Variants in PAPLN observed in about 807,000 individuals in gnomAD.
The protein encoded by PAPLN is papilin.
A neutral mutation model predicts 159.0 loss-of-function variants in PAPLN; 146 were observed. The observed-to-expected ratio is 0.92, with a 90% CI of 0.80 to 1.05. The LOEUF is 1.05. PAPLN is among the 50% of genes least tolerant of loss of function. The pLI is 0.00. For missense variants in PAPLN, 1,720 were observed against 1,743.9 expected (o/e 0.99, Z 0.24); for synonymous variants, 734 against 702.9 (o/e 1.04, Z -0.70).
chr14:73,274,364 G>A lies in PAPLN; in HGVS notation c.*1700G>A, dbSNP rs1473050066. On this transcript the variant is annotated 3_prime_UTR_variant, in exon 27 of 27. Transcript: ENST00000644200. ...CTGCCTAGTAGCAAAGGTTATTCCT[G>A]GACACAGGAAAGACGGGCATTACAG... 6.6e-6 allele frequency: 1 copy of A among 152,122 alleles called. No homozygotes were observed. Among genetic ancestry groups the A allele is most frequent in the Non-Finnish European group, 1.5e-5 (1 of 68,030 alleles). 9.4% of individuals were successfully genotyped at this position (152,122 alleles called of 1,614,324 possible).
At chr14:73,258,900 TGGGCA>T (rs1886233459) in intron 14 of PAPLN, 74 bp from the exon 15 acceptor site, 30 of 1,346,792 alleles carry the variant, frequency 2.2e-5, no homozygotes, top group Admixed American at 2.9e-5. Context: ...AAGCCAGTGC[TGGGCA>T]GGGCTGGCCA....
Position 73,262,643 on chromosome 14 carries a change from G to A in PAPLN, c.2539G>A (p.Val847Met). ...CAGCCAGCACAGGACAGGGGCCGCG[G>A]TGCAGAGAAAGCCCTGGCCTTCTGG... Reference protein sequence around the residue: ...EPSQHRTGAAVQRKPWPSGGL... With the variant: ...EPSQHRTGAAMQRKPWPSGGL... The change falls in exon 19 of 27, where the codon GTG becomes ATG. Residue 847 changes from valine (V) to methionine (M), a missense_variant. Val to Met is a conservative substitution (Grantham distance 21). Transcript: ENST00000644200. The A allele has an allele frequency of 2.0e-6, 3 of 1,508,664 alleles. No homozygotes were observed. The highest frequency in any genetic ancestry group is 1.8e-6 in the Non-Finnish European group (2 of 1,124,276). 93.5% of individuals were successfully genotyped at this position (1,508,664 alleles called of 1,614,324 possible). A position where few individuals can be genotyped will look rare whatever the true frequency, so the allele number is the denominator to read the frequency against.
chr14:73,265,220 AT>A lies in PAPLN; in HGVS notation c.3126-147del. ...ACTTCACCCCAGGTAGTTATTGACCATTTCCTAACCAGAACAAGGCAGGGGA... is the reference window on the plus strand; with the variant it reads ...ACTTCACCCCAGGTAGTTATTGACCATTCCTAACCAGAACAAGGCAGGGGA... On this transcript the variant is annotated intron_variant, in intron 22 of 26. Coordinates refer to ENST00000644200, the MANE Select transcript of PAPLN (RefSeq NM_001365906.3). The surrounding 1 kb of genome is among the most constrained non-coding windows in gnomAD (Gnocchi z 4.1). The A allele has an allele frequency of 7.8e-7, 1 of 1,288,412 alleles. No homozygotes were observed. The highest frequency in any genetic ancestry group is 2.8e-4 in the Middle Eastern group (1 of 3,596). 79.8% of individuals were successfully genotyped at this position (1,288,412 alleles called of 1,614,324 possible).
rs374299676 is a variant in PAPLN, at chr14:73,265,551, C to T, written c.3263+44C>T. ...CCCTTCCTCCTATTCTGCCTCCAGC[C>T]CCACCTTATCCTATGGAGGCCACCG... On this transcript the variant is annotated intron_variant, in intron 23 of 26. Coordinates refer to ENST00000644200, the MANE Select transcript of PAPLN (RefSeq NM_001365906.3). This position sits in a 1 kb window ranked among gnomAD's most constrained non-coding sequence, Gnocchi z 4.1. 2.7e-4 allele frequency: 426 copies of T among 1,597,248 alleles called. 3 individuals carry two copies. In the South Asian group the frequency reaches 4.5e-3, roughly 17 times the overall value.
At chr14:73,244,525 A>G in intron 2 of PAPLN, 119 bp from the exon 3 acceptor site, 1 of 816,464 alleles carries the variant, frequency 1.2e-6, no homozygotes, top group East Asian at 2.7e-5. Flanking sequence ...GGGCCCTGGA[A>G]GGGAGAATCC....
chr14:73,261,204 T>C lies in PAPLN; in HGVS notation c.2155T>C (p.Cys719Arg). Residue 719 changes from cysteine (C) to arginine (R), a missense_variant, in exon 18 of 27, where the codon TGC becomes CGC. Transcript: ENST00000644200. The part of the protein sequence containing the change: ...PQAQQNEPSE[C>R]RGSQFGCCYD... ...GGCCCAGCAGAATGAGCCCAGTGAG[T>C]GCCGGGGCTCCCAGTTTGGCTGTTG... 1 of 1,613,924 alleles carries C rather than the reference T, an allele frequency of 6.2e-7. No homozygotes were observed. The highest frequency in any genetic ancestry group is 1.1e-5 in the South Asian group (1 of 91,074).
chr14:73,259,260 T>C lies in PAPLN; in HGVS notation c.1709-9T>C. ...GACGCACTGTGTGTCTTTTGCTTCT[T>C]CTTTCTAGACTCCAGAGGCCAGTGG... On this transcript the variant is annotated splice_polypyrimidine_tract_variant and intron_variant, in intron 15 of 26. Transcript: ENST00000644200. The C allele has an allele frequency of 6.5e-7, 1 of 1,540,170 alleles. No homozygotes were observed. The highest frequency in any genetic ancestry group is 8.8e-7 in the Non-Finnish European group (1 of 1,141,126).
At chr14:73,267,487 A>G (rs1887340251) in intron 25 of PAPLN, among the ~76,000 whole-genome samples, 1 of 152,206 alleles carries the variant, frequency 6.6e-6, no homozygotes, top group Non-Finnish European at 1.5e-5. Flanking sequence ...CTGTCTGTGC[A>G]CAGAGGAGTG....
chr14:73,262,280 C>A, intron 18 of PAPLN, 70 bp from the exon 19 acceptor site: 1 of 1,437,212 alleles, frequency 7.0e-7, no homozygotes, highest in Non-Finnish European at 9.5e-7. Flanking sequence ...GAGTCGGAGG[C>A]TGAGAGGATG....
chr14:73,247,984 C>CTGTGTGTG (rs60942606), intron 5 of PAPLN, among the ~76,000 whole-genome samples: 17 of 19,380 alleles, frequency 8.8e-4, no homozygotes, highest in East Asian at 1.5e-3. Flanking sequence ...CTCATATCCT[C>CTGTGTGTG]TGTGTGTGTG....
Position 73,260,845 on chromosome 14 carries a change from G to A in PAPLN, c.2106+16G>A. 1 of 1,497,556 alleles carries A rather than the reference G, an allele frequency of 6.7e-7. No homozygotes were observed. The highest frequency in any genetic ancestry group is 1.4e-5 in the South Asian group (1 of 73,304). 92.8% of individuals were successfully genotyped at this position (1,497,556 alleles called of 1,614,324 possible). On this transcript the variant is annotated intron_variant, in intron 17 of 26. Transcript: ENST00000644200. ...GGCTTCTACAGTAAGTGTCTGGCCT[G>A]GGGGAGGGGAGCAGGGGGCCAGCCC... is the stretch of plus-strand genomic sequence containing the variant.
At chr14:73,256,631 A>C (rs1488696061) in intron 14 of PAPLN, among the ~76,000 whole-genome samples, 2 of 151,124 alleles carry the variant, frequency 1.3e-5, no homozygotes, top group Non-Finnish European at 2.9e-5. Flanking sequence ...GCTGGATGCA[A>C]CTGCTCATGC....
Position 73,264,132 on chromosome 14 carries a change from C to T in PAPLN, c.2862-79C>T, listed in dbSNP as rs566383415. ...CTGTAGACTCTGGTCCCCTCTGGCA[C>T]GAGCACCGAGGCGGAGGGAAGACTC... On this transcript the variant is annotated intron_variant, in intron 20 of 26. Coordinates refer to ENST00000644200, the MANE Select transcript of PAPLN (RefSeq NM_001365906.3). 430 of 1,601,852 alleles carry T rather than the reference C, an allele frequency of 2.7e-4. No individual in the cohort carries two copies. The African/African-American group carries it at 4.1e-3, about 15-fold the overall frequency.
Position 73,254,946 on chromosome 14 carries a change from T to C in PAPLN, c.1555T>C (p.Cys519Arg). ...VICAIGPPSHCGSLQHSKPVD... is the reference protein window; with the variant it reads ...VICAIGPPSHRGSLQHSKPVD... ...CTGTGCCATTGGGCCGCCCAGCCAC[T>C]GCGGGAGCCTGCAGCACTCCAAGCC... is the stretch of plus-strand genomic sequence containing the variant. The change falls in exon 14 of 27, where the codon TGC (cysteine) becomes CGC (arginine). Residue 519 changes from cysteine to arginine, a missense_variant. Coordinates refer to ENST00000644200, the MANE Select transcript of PAPLN (RefSeq NM_001365906.3). 1.2e-6 allele frequency: 2 copies of C among 1,613,576 alleles called. No homozygotes were observed. Among genetic ancestry groups the C allele is most frequent in the East Asian group, 2.2e-5 (1 of 44,882 alleles).
At chr14:73,244,447 G>A in intron 2 of PAPLN, 197 bp from the exon 3 acceptor site, 3 of 544,518 alleles carry the variant, frequency 5.5e-6, no homozygotes, top group Non-Finnish European at 9.8e-6. Flanking sequence ...TCCTTATGAG[G>A]AAAGCAGGCT....
intron 13 of PAPLN, 25 bp downstream of exon 13, chr14:73,254,720 T>TG: frequency 6.2e-7 from 1 of 1,608,332 alleles, no homozygotes; most frequent in African/African-American, 1.3e-5. Flanking sequence ...CCCCCACACC[T>TG]GCTGCCTGAC....
At position 73,272,578 on chromosome 14, in the gene PAPLN, C is replaced by A. The variant is rs1322097770; in HGVS notation, c.3751C>A (p.Gln1251Lys). The change falls in exon 27 of 27, where the codon CAG becomes AAG. Residue 1251 changes from glutamine (Q) to lysine (K), a missense_variant. Coordinates refer to ENST00000644200, the MANE Select transcript of PAPLN (RefSeq NM_001365906.3). ...CAACTGTGATTTGATCCTGCAGGCC[C>A]AGCTTTGTGGCAATGAGTATTACTC... ...LANCDLILQA[Q>K]LCGNEYYSSF... The A allele has an allele frequency of 6.2e-7, 1 of 1,604,728 alleles. No individual in the cohort carries two copies. Among genetic ancestry groups the A allele is most frequent in the East Asian group, 2.2e-5 (1 of 44,600 alleles).
At position 73,262,818 on chromosome 14, in the gene PAPLN, C is replaced by T. The variant is rs1368224417; in HGVS notation, c.2714C>T (p.Ser905Phe). 1 of 1,487,982 alleles carries T rather than the reference C, an allele frequency of 6.7e-7. No individual in the cohort carries two copies. The highest frequency in any genetic ancestry group is 8.9e-7 in the Non-Finnish European group (1 of 1,122,832). 92.2% of individuals were successfully genotyped at this position (1,487,982 alleles called of 1,614,324 possible). ...TCACCAGCGCCACCCTTCCACAGCT[C>T]CTCCTACAGGTGAGGCCCACCTTCC... ...AGSPAPPFHS[S>F]SYRISLAGVE... The change falls in exon 19 of 27, where the codon TCC becomes TTC. Residue 905 changes from serine to phenylalanine, a missense_variant. By Grantham distance (155) the Ser-to-Phe change is radical. Transcript: ENST00000644200.
At chr14:73,236,750 A>T (rs2140164323), upstream of PAPLN, among the ~76,000 whole-genome samples, 1 of 150,080 alleles carries the variant, frequency 6.7e-6, no homozygotes, top group Non-Finnish European at 1.5e-5. Flanking sequence ...CAGGAGGCGG[A>T]GGTTGCAGTG....
Sources: allele counts gnomAD v4.1 joint callset (sites outside exome capture counted in the v4.1 genomes callset), GRCh38; gene constraint gnomAD v4.1.1; non-coding constraint Gnocchi (gnomAD v3.1); transcripts MANE v1.5; gene names NCBI Gene and HGNC (gene_info 2026-07-23, HGNC 2026-07-21).